The following SLC25A26 variants were observed in gnomAD, a reference collection of about 807,000 sequenced individuals.
The protein encoded by SLC25A26 is mitochondrial S-adenosylmethionine carrier protein.
A neutral mutation model predicts 37.8 loss-of-function variants in SLC25A26; 36 were observed. The ratio of observed to expected loss-of-function variants is 0.95; its 90% CI spans 0.73 to 1.26. SLC25A26 has a LOEUF of 1.26. Ranked by LOEUF, SLC25A26 falls within the 50% of genes most tolerant of loss-of-function variation. SLC25A26 has a pLI of 0.00. For synonymous variants in SLC25A26, 129 were observed against 122.5 expected (o/e 1.05, Z -0.35); for missense variants, 390 against 331.1 (o/e 1.18, Z -1.38).
At chr3:66,313,720 A>AT in intron 5 of SLC25A26, among the ~76,000 whole-genome samples, 1 of 152,154 alleles carries the variant, frequency 6.6e-6, no homozygotes, top group Non-Finnish European at 1.5e-5. Context: ...TGGTGTGGCC[A>AT]TTTTTGTAAT....
chr3:66,203,214 C>T (rs2071132101), intron 1 of SLC25A26, among the ~76,000 whole-genome samples: 1 of 151,904 alleles, frequency 6.6e-6, no homozygotes, highest in Non-Finnish European at 1.5e-5. Context: ...AACCTTGTTT[C>T]TATAAATAAT....
At chr3:66,368,441 T>C (rs1355254828) in intron 7 of SLC25A26, among the ~76,000 whole-genome samples, 1 of 152,126 alleles carries the variant, frequency 6.6e-6, no homozygotes, top group African/African-American at 2.4e-5. Context: ...ATCACGACAT[T>C]CAGATAACGC....
chr3:66,375,952 G>C (rs1346159532), intron 9 of SLC25A26, among the ~76,000 whole-genome samples: 1 of 151,532 alleles, frequency 6.6e-6, no homozygotes, highest in East Asian at 1.9e-4. Context: ...ATACCAGTAA[G>C]AACATTAGTG....
intron 5 of SLC25A26, among the ~76,000 whole-genome samples, chr3:66,332,329 A>G (rs568286738): frequency 7.9e-5 from 12 of 152,278 alleles, no homozygotes; most frequent in South Asian, 4.1e-4. Flanking sequence ...CATACTTTCA[A>G]TTCAGTCCTT....
intron 1 of SLC25A26, among the ~76,000 whole-genome samples, chr3:66,177,554 C>T (rs945940837): frequency 2.0e-5 from 3 of 152,256 alleles, no homozygotes; most frequent in Non-Finnish European, 4.4e-5. Context: ...TAAATCCCCA[C>T]TGTTGCCTTT....
At chr3:66,154,549 T>TC (rs1404288055) in intron 1 of SLC25A26, among the ~76,000 whole-genome samples, 1 of 148,710 alleles carries the variant, frequency 6.7e-6, no homozygotes, top group African/African-American at 2.6e-5. Flanking sequence ...TCTTTTTTTT[T>TC]TTTTTTTTTG....
chr3:66,371,263 G>C, intron 9 of SLC25A26: 1 of 1,547,322 alleles, frequency 6.5e-7, no homozygotes, highest in Non-Finnish European at 8.7e-7. Context: ...GCAGAGGGTC[G>C]GTCGGCAGCT....
At chr3:66,238,588 A>T (rs374697266) in intron 2 of SLC25A26, among the ~76,000 whole-genome samples, 1 of 152,138 alleles carries the variant, frequency 6.6e-6, no homozygotes, top group African/African-American at 2.4e-5. Context: ...TCACCATGTT[A>T]TCCCGACGTC....
chr3:66,304,377 A>G (rs1412324213), intron 5 of SLC25A26: 2 of 453,736 alleles, frequency 4.4e-6, no homozygotes, highest in African/African-American at 2.0e-5. Context: ...ATCTAAGCTA[A>G]TATCTTCCCT....
chr3:66,198,366 T>C (rs2071071598), intron 1 of SLC25A26, among the ~76,000 whole-genome samples: 1 of 151,950 alleles, frequency 6.6e-6, no homozygotes, highest in Non-Finnish European at 1.5e-5. Flanking sequence ...CTGCAGTTCA[T>C]GAACGGAGTG....
intron 5 of SLC25A26, among the ~76,000 whole-genome samples, chr3:66,306,730 C>T (rs1364783890): frequency 1.3e-5 from 2 of 152,164 alleles, no homozygotes; most frequent in Non-Finnish European, 2.9e-5. Context: ...TTGTTCACCT[C>T]CCACTTATGA....
chr3:66,308,528 C>G lies in SLC25A26; in HGVS notation c.454-37836C>G, dbSNP rs2075289684. Among the ~76,000 whole-genome samples, 3 of 152,338 alleles carry G rather than the reference C, an allele frequency of 2.0e-5. No individual in the cohort carries two copies. In the South Asian group the frequency reaches 6.2e-4, roughly 32 times the overall value. ...TGCCTGATTGCCCTGGCCATAACTTCCAGTACTATGTTGAATAGGAGTGGT... is the reference window on the plus strand; with the variant it reads ...TGCCTGATTGCCCTGGCCATAACTTGCAGTACTATGTTGAATAGGAGTGGT... On this transcript the variant is annotated intron_variant, in intron 5 of 9. Transcript: ENST00000354883.
intron 9 of SLC25A26, among the ~76,000 whole-genome samples, chr3:66,374,607 G>A (rs1006031094): frequency 1.3e-5 from 2 of 152,194 alleles, no homozygotes; most frequent in Non-Finnish European, 1.5e-5. Context: ...AACTCGGGCC[G>A]GGCATGGTGG....
chr3:66,352,520 A>G (rs1173114173), intron 6 of SLC25A26, among the ~76,000 whole-genome samples: 2 of 147,470 alleles, frequency 1.4e-5, no homozygotes, highest in Non-Finnish European at 3.0e-5. Context: ...CCTTCATTCT[A>G]TATACATCAT....
chr3:66,202,531 GAAA>G (rs1177179044), intron 1 of SLC25A26, among the ~76,000 whole-genome samples: 1 of 86,508 alleles, frequency 1.2e-5, no homozygotes, highest in Non-Finnish European at 2.4e-5. Flanking sequence ...AAAGTAAAAT[GAAA>G]AAAAAAAAAA....
chr3:66,149,600 C>G (rs2106687314), intron 1 of SLC25A26, among the ~76,000 whole-genome samples: 1 of 152,198 alleles, frequency 6.6e-6, no homozygotes, highest in East Asian at 1.9e-4. Flanking sequence ...TATAATAACC[C>G]TTAGAAGAAA....
At chr3:66,363,357 T>C (rs2076755831) in intron 7 of SLC25A26, among the ~76,000 whole-genome samples, 1 of 152,074 alleles carries the variant, frequency 6.6e-6, no homozygotes, top group Non-Finnish European at 1.5e-5. Flanking sequence ...GACAGCACTG[T>C]AGATTAACTA....
chr3:66,144,788 T>C (rs534877418), intron 1 of SLC25A26, among the ~76,000 whole-genome samples: 47 of 152,182 alleles, frequency 3.1e-4, no homozygotes, highest in African/African-American at 1.1e-3. Flanking sequence ...TGCTAACTCA[T>C]TGAGTGTCTT....
chr3:66,268,431 G>A (rs2073838251), intron 5 of SLC25A26, among the ~76,000 whole-genome samples: 1 of 152,206 alleles, frequency 6.6e-6, no homozygotes, highest in South Asian at 2.1e-4. Context: ...GACAAAACAT[G>A]ATGTCATTGT....
Sources: allele counts gnomAD v4.1 joint callset (sites outside exome capture counted in the v4.1 genomes callset), GRCh38; gene constraint gnomAD v4.1.1; transcripts MANE v1.5; gene names NCBI Gene and HGNC (gene_info 2026-07-23, HGNC 2026-07-21).